Variants in TSPEAR observed in about 807,000 individuals in gnomAD.
The protein encoded by TSPEAR is thrombospondin-type laminin G domain and EAR repeat-containing protein.
A neutral mutation model predicts 71.6 loss-of-function variants in TSPEAR; 69 were observed. The ratio of observed to expected loss-of-function variants is 0.96; its 90% CI spans 0.79 to 1.18. The LOEUF (loss-of-function observed/expected upper bound fraction) is 1.18, where lower values mean the gene tolerates loss of function less well. TSPEAR is among the 50% of genes most tolerant of loss of function. The pLI, the probability that TSPEAR is intolerant of heterozygous loss-of-function variation, is 0.00. For synonymous variants in TSPEAR, 402 were observed against 387.2 expected, an observed-to-expected ratio of 1.04 and a Z score of -0.45; for missense variants, 971 against 894.9, an observed-to-expected ratio of 1.09 and a Z score of -1.09.
chr21:44,507,358 A>G (rs782313153), intron 10 of TSPEAR, among the ~76,000 whole-genome samples: 1 of 152,214 alleles, frequency 6.6e-6, no homozygotes, highest in African/African-American at 2.4e-5. Flanking sequence ...CCAAGGTTAC[A>G]CACAGAAGCC....
At chr21:44,541,630 G>C (rs1555917243) in intron 2 of TSPEAR, among the ~76,000 whole-genome samples, 1 of 152,196 alleles carries the variant, frequency 6.6e-6, no homozygotes, top group Non-Finnish European at 1.5e-5. Context: ...AGAGCTTTTA[G>C]TAGTCTCATG....
At chr21:44,661,189 G>T (rs1372001988) in intron 1 of TSPEAR, among the ~76,000 whole-genome samples, 2 of 151,162 alleles carry the variant, frequency 1.3e-5, no homozygotes, top group Non-Finnish European at 2.9e-5. Flanking sequence ...CAGGAGAATG[G>T]CGTGAACCCC....
intron 2 of TSPEAR, among the ~76,000 whole-genome samples, chr21:44,541,491 G>T (rs940898943): frequency 1.3e-5 from 2 of 152,200 alleles, no homozygotes; most frequent in Non-Finnish European, 2.9e-5. Context: ...GCTGAGACTT[G>T]AGTGAGTGAA....
At chr21:44,674,876 A>T (rs966937716) in intron 1 of TSPEAR, among the ~76,000 whole-genome samples, 7 of 133,880 alleles carry the variant, frequency 5.2e-5, no homozygotes, top group Non-Finnish European at 1.2e-4. Context: ...AGATTGAATT[A>T]AAAAAAAAAA....
chr21:44,572,836 C>G (rs1262576640), intron 1 of TSPEAR, among the ~76,000 whole-genome samples: 3 of 1,548 alleles, frequency 1.9e-3, no homozygotes, highest in Middle Eastern at 0.5. Flanking sequence ...GAGATTTGGA[C>G]ACACACACAC....
intron 2 of TSPEAR, chr21:44,558,062 C>T (rs13047815): frequency 0.016 from 25,639 of 1,607,704 alleles, 277 homozygotes; most frequent in Middle Eastern, 0.036. Context: ...AGCAGCTGGA[C>T]TTCTGGCCTG....
chr21:44,605,811 T>C (rs73907049), intron 1 of TSPEAR, among the ~76,000 whole-genome samples: 2,073 of 152,282 alleles, frequency 0.014, 34 homozygotes, highest in African/African-American at 0.047. Context: ...TCAAAATGCA[T>C]GGAAGACCTC....
Position 44,617,330 on chromosome 21 carries a change from G to A in TSPEAR, c.83-49325C>T, listed in dbSNP as rs587594821. On this transcript the variant is annotated intron_variant, in intron 1 of 11. Transcript: ENST00000323084. Reference sequence around the variant, plus strand: ...TGCACGCTCACAGATGCTCAGGGGCGCCCTCTGCTCCAGCCCCAGGCTTGC... The same window carrying A: ...TGCACGCTCACAGATGCTCAGGGGCACCCTCTGCTCCAGCCCCAGGCTTGC... Among the ~76,000 whole-genome samples, 9 of 152,332 alleles carry A rather than the reference G, an allele frequency of 5.9e-5. No individual in the cohort carries two copies. In the East Asian group the frequency reaches 7.7e-4, roughly 13 times the overall value.
chr21:44,628,788 G>T (rs73907085), intron 1 of TSPEAR, among the ~76,000 whole-genome samples: 2,199 of 152,302 alleles, frequency 0.014, 53 homozygotes, highest in African/African-American at 0.051. Context: ...GCACTCAGGA[G>T]TTCCACTCGG....
At chr21:44,575,474 G>T in intron 1 of TSPEAR, 1 of 180,314 alleles carries the variant, frequency 5.5e-6, no homozygotes, top group Non-Finnish European at 1.2e-5. Flanking sequence ...GTGTTTTCCT[G>T]TGCCCAGGGG....
At chr21:44,569,676 G>A (rs1170287356) in intron 1 of TSPEAR, among the ~76,000 whole-genome samples, 4 of 152,206 alleles carry the variant, frequency 2.6e-5, no homozygotes, top group African/African-American at 7.2e-5. Context: ...AAAAGGTAGA[G>A]TGTGAGGAGG....
At chr21:44,616,837 G>A (rs587753602) in intron 1 of TSPEAR, among the ~76,000 whole-genome samples, 5 of 152,334 alleles carry the variant, frequency 3.3e-5, no homozygotes, top group East Asian at 1.9e-4. Context: ...CTCCGGTCAC[G>A]CCTGCCCACT....
intron 1 of TSPEAR, chr21:44,682,029 G>C: frequency 6.2e-7 from 1 of 1,614,134 alleles, no homozygotes; most frequent in Non-Finnish European, 8.5e-7. Flanking sequence ...GCACACGGAG[G>C]ACTGGCAGCC....
At chr21:44,527,149 ACT>A in intron 7 of TSPEAR, 141 bp downstream of exon 7, 1 of 772,662 alleles carries the variant, frequency 1.3e-6, no homozygotes. Flanking sequence ...CACGTGTGCG[ACT>A]CTGTCAGCCT....
chr21:44,654,216 G>A, intron 1 of TSPEAR: 2 of 1,399,074 alleles, frequency 1.4e-6, no homozygotes, highest in Non-Finnish European at 2.0e-6. Flanking sequence ...CCTGGCAGGA[G>A]TTCAGAGAGC....
At chr21:44,539,555 C>G (rs1356835204) in intron 2 of TSPEAR, 1 of 1,613,348 alleles carries the variant, frequency 6.2e-7, no homozygotes, top group African/African-American at 1.3e-5. Context: ...GACGGGCACA[C>G]AGCAGATGGG....
rs1430168568 is a variant in TSPEAR, at chr21:44,506,480, A to G, written c.1755-1599T>C. On this transcript the variant is annotated intron_variant, in intron 10 of 11. Transcript: ENST00000323084. This position sits in a 1 kb window ranked among gnomAD's most constrained non-coding sequence, Gnocchi z 4.2. ...GGCAGTTGTGGGGCCGGCCTGCAGC[A>G]GGGGCTCAGACAGGGCCTTGGGAGA... Among the ~76,000 whole-genome samples the G allele has an allele frequency of 5.3e-5, 8 of 152,226 alleles. No homozygotes were observed. Among genetic ancestry groups the G allele is most frequent in the African/African-American group, 1.4e-4 (6 of 41,466 alleles).
chr21:44,627,433 G>A, intron 1 of TSPEAR: 1 of 1,613,612 alleles, frequency 6.2e-7, no homozygotes, highest in South Asian at 1.1e-5. Flanking sequence ...CTGCCAGCCG[G>A]CTTACTGCAC....
At chr21:44,579,659 G>A in intron 1 of TSPEAR, 2 of 1,459,272 alleles carry the variant, frequency 1.4e-6, no homozygotes, top group Non-Finnish European at 1.8e-6. Flanking sequence ...TCAGCACATG[G>A]GGGCCCCGTC....
Sources: allele counts gnomAD v4.1 joint callset (sites outside exome capture counted in the v4.1 genomes callset), GRCh38; gene constraint gnomAD v4.1.1; non-coding constraint Gnocchi (gnomAD v3.1); transcripts MANE v1.5; gene names NCBI Gene and HGNC (gene_info 2026-07-23, HGNC 2026-07-21).